The following NOP9 variants were observed in gnomAD, a reference collection of about 807,000 sequenced individuals.
NOP9 encodes the protein NOP9 nucleolar protein, also known as nucleolar protein 9.
In NOP9, 50 loss-of-function variants were observed where a neutral mutation model predicts 63.0. The ratio of observed to expected loss-of-function variants is 0.79; its 90% CI spans 0.63 to 1.00. NOP9 has a LOEUF of 1.00. NOP9 is among the 50% of genes least tolerant of loss of function. The pLI, the probability that NOP9 is intolerant of heterozygous loss-of-function variation, is 0.00. For missense variants in NOP9, 758 were observed against 803.0 expected (o/e 0.94, Z 0.68); for synonymous variants, 343 against 332.8 (o/e 1.03, Z -0.33).
the NOP9 span, among the ~76,000 whole-genome samples, chr14:24,289,946 A>G: frequency 6.6e-6 from 1 of 152,354 alleles, no homozygotes; most frequent in South Asian, 2.1e-4. Context: ...GAAGATTTTG[A>G]ATAAGTAAAA....
chr14:24,273,713 A>G, the NOP9 span, among the ~76,000 whole-genome samples: 2 of 152,234 alleles, frequency 1.3e-5, 1 homozygote, highest in Admixed American at 1.3e-4. Flanking sequence ...GGATGTGCAC[A>G]CACACAGAAT....
chr14:24,285,216 C>T, the NOP9 span, among the ~76,000 whole-genome samples: 1 of 152,200 alleles, frequency 6.6e-6, no homozygotes, highest in East Asian at 1.9e-4. Flanking sequence ...GGGTCCATAT[C>T]CTTAGAGGAG....
rs568672109 is a variant in NOP9, at chr14:24,300,376, C to T, written c.248-32C>T. On this transcript the variant is annotated intron_variant, in intron 1 of 9. Coordinates refer to ENST00000267425, the MANE Select transcript of NOP9 (RefSeq NM_174913.3). ...TACATAACTGTATTCTCTACTAAGT[C>T]TCTTCAAAGTGTGTCTTTCTTCCCT... 5.0e-6 allele frequency: 8 copies of T among 1,591,832 alleles called. No homozygotes were observed. The East Asian group carries it at 1.6e-4, about 31-fold the overall frequency.
Position 24,307,253 on chromosome 14 carries a change from C to G in NOP9, c.*2158C>G. On this transcript the variant is annotated 3_prime_UTR_variant, in exon 10 of 10. Transcript: ENST00000267425. ...TAGGCCCACTCCGCTGCTTTTAGCC[C>G]TCAGAGGGAGGGGCAGCTGTGTGAC... The G allele has an allele frequency of 2.6e-5, 31 of 1,184,394 alleles. No homozygotes were observed. The highest frequency in any genetic ancestry group is 3.5e-5 in the Non-Finnish European group (29 of 832,266). The allele number at this position is 1,184,394 out of a possible 1,614,324, so 73.4% of individuals were successfully genotyped here.
the NOP9 span, among the ~76,000 whole-genome samples, chr14:24,282,967 G>C: frequency 1.3e-5 from 2 of 152,210 alleles, no homozygotes; most frequent in Non-Finnish European, 2.9e-5. Context: ...GGGAGGCTTG[G>C]AGCAGAGGGC....
At position 24,303,167 on chromosome 14, in the gene NOP9, C is replaced by T. The variant is rs147123517; in HGVS notation, c.1237C>T (p.Arg413Cys). ...AGTCATTGCCCTGGTGGGGGCCTGTCGCAGAGTTGGGGCCTACCAAGCCAA... is the reference window on the plus strand; with the variant it reads ...AGTCATTGCCCTGGTGGGGGCCTGTTGCAGAGTTGGGGCCTACCAAGCCAA... ...GVVIALVGACRRVGAYQAKVL... is the reference protein window; with the variant it reads ...GVVIALVGACCRVGAYQAKVL... The change falls in exon 6 of 10, where the codon CGC becomes TGC. Residue 413 changes from arginine (R) to cysteine (C), a missense_variant. Transcript: ENST00000267425. 6,442 of 1,613,920 alleles carry T rather than the reference C, an allele frequency of 4.0e-3. 17 individuals carry two copies. The highest frequency in any genetic ancestry group is 6.1e-3 in the Admixed American group (368 of 60,008).
chr14:24,296,841 TC>T, upstream of NOP9: 1 of 1,614,232 alleles, frequency 6.2e-7, no homozygotes, highest in East Asian at 2.2e-5. Context: ...CTGGCTTGAA[TC>T]GCACACCACA....
At chr14:24,283,391 C>CT in the NOP9 span, among the ~76,000 whole-genome samples, 1 of 151,888 alleles carries the variant, frequency 6.6e-6, no homozygotes, top group African/African-American at 2.4e-5. Flanking sequence ...GAGTTCAAGA[C>CT]CAGCTTGGGC....
Position 24,307,439 on chromosome 14 carries a change from C to T in NOP9, c.*2344C>T. The T allele has an allele frequency of 6.2e-7, 1 of 1,614,128 alleles. No homozygotes were observed. The highest frequency in any genetic ancestry group is 8.5e-7 in the Non-Finnish European group (1 of 1,180,010). ...CGGATGGTCCGCTTGTGATCACAGA[C>T]ACGGAAAGGTCGCTGGGGTGGTGGA... On this transcript the variant is annotated 3_prime_UTR_variant, in exon 10 of 10. Transcript: ENST00000267425.
At chr14:24,275,163 C>T in the NOP9 span, among the ~76,000 whole-genome samples, 4 of 152,072 alleles carry the variant, frequency 2.6e-5, no homozygotes, top group South Asian at 2.1e-4. Context: ...CTGCCTGCCT[C>T]GGCCTCCCAA....
the NOP9 span, among the ~76,000 whole-genome samples, chr14:24,289,178 TTCA>T: frequency 6.6e-6 from 1 of 152,192 alleles, no homozygotes; most frequent in Admixed American, 6.5e-5. Context: ...GAGACGAGGT[TTCA>T]TCATGTTAGC....
chr14:24,305,190 G>C lies in NOP9; in HGVS notation c.*95G>C. 3.3e-6 allele frequency: 4 copies of C among 1,208,472 alleles called. No homozygotes were observed. The highest frequency in any genetic ancestry group is 4.4e-6 in the Non-Finnish European group (4 of 912,536). 74.9% of individuals were successfully genotyped at this position (1,208,472 alleles called of 1,614,324 possible). On this transcript the variant is annotated 3_prime_UTR_variant, in exon 10 of 10. Transcript: ENST00000267425. ...GTTTAAATTGGAGTCAGAAGTCTTA[G>C]TGGTAAATATTTGATATTTTTATTG...
rs776115625 is a variant in NOP9 at position 24,300,096 on chromosome 14, G to A, written c.142G>A (p.Glu48Lys). 6.8e-6 allele frequency: 11 copies of A among 1,613,206 alleles called. No individual in the cohort carries two copies. Among genetic ancestry groups the A allele is most frequent in the Non-Finnish European group, 9.3e-6 (11 of 1,179,874 alleles). ...QPWPPPDGRS[E>K]PAPDSHPHLS... ...CTGGCCGCCTCCGGATGGGCGCTCG[G>A]AGCCGGCTCCAGATTCGCACCCGCA... Residue 48 changes from glutamate to lysine, a missense_variant, in exon 1 of 10, where the codon GAG (glutamate) becomes AAG (lysine). Physicochemically the swap from Glu to Lys is moderately conservative, Grantham distance 56. Transcript: ENST00000267425.
intron 2 of NOP9, among the ~76,000 whole-genome samples, chr14:24,301,239 C>T (rs1285927084): frequency 1.3e-5 from 2 of 151,990 alleles, no homozygotes; most frequent in Non-Finnish European, 2.9e-5. Flanking sequence ...CTATTCTGCT[C>T]TATTTCATTT....
the NOP9 span, chr14:24,291,869 G>A: frequency 1.6e-6 from 1 of 608,176 alleles, no homozygotes; most frequent in East Asian, 2.8e-5. Context: ...ATCTGGTAGT[G>A]CCAAATAGTG....
chr14:24,287,154 G>C, the NOP9 span, among the ~76,000 whole-genome samples: 2 of 152,174 alleles, frequency 1.3e-5, no homozygotes, highest in African/African-American at 4.8e-5. Flanking sequence ...CCTCCCAAAA[G>C]TGCTGGGATT....
At chr14:24,288,704 AT>A in the NOP9 span, among the ~76,000 whole-genome samples, 7 of 152,176 alleles carry the variant, frequency 4.6e-5, no homozygotes, top group Non-Finnish European at 8.8e-5. Flanking sequence ...ATATTATTTC[AT>A]TTAATTCTCA....
chr14:24,303,592 G>T, intron 6 of NOP9, 140 bp from the exon 7 acceptor site: 1 of 819,768 alleles, frequency 1.2e-6, no homozygotes. Flanking sequence ...TGGGGATACA[G>T]CAAGGCATGA....
chr14:24,286,878 G>C, the NOP9 span, among the ~76,000 whole-genome samples: 1 of 149,374 alleles, frequency 6.7e-6, no homozygotes, highest in African/African-American at 2.5e-5. Flanking sequence ...AGGTGTGTGT[G>C]AGCCACCGCG....
Sources: gnomAD v4.1 joint callset for allele counts (sites outside exome capture counted in the v4.1 genomes callset) on GRCh38, gnomAD v4.1.1 for gene constraint, MANE v1.5 for transcripts, NCBI Gene and HGNC (gene_info 2026-07-23, HGNC 2026-07-21) for gene names.